YLPM1: variants seen among roughly 807,000 people sequenced by gnomAD.
YLPM1 encodes YLP motif-containing protein 1.
Under a neutral mutation model 230.0 loss-of-function variants are expected in YLPM1, and 99 were observed. The observed-to-expected ratio is 0.43, with a 90% CI of 0.37 to 0.51. The LOEUF (loss-of-function observed/expected upper bound fraction) is 0.51. Among genes scored for constraint, YLPM1 ranks in the 20% least tolerant of loss-of-function variants. YLPM1 has a pLI of 0.00. For synonymous variants in YLPM1, 984 were observed against 942.5 expected (o/e 1.04, Z -0.81); for missense variants, 2,592 against 2,707.7 (o/e 0.96, Z 0.95).
intron 16 of YLPM1, among the ~76,000 whole-genome samples, chr14:74,818,547 A>G (rs1261007413): frequency 6.6e-6 from 1 of 152,132 alleles, no homozygotes; most frequent in Non-Finnish European, 1.5e-5. Context: ...GAACCATTTG[A>G]GAGTTAAGTT....
intron 16 of YLPM1, among the ~76,000 whole-genome samples, chr14:74,820,027 T>C (rs1017661457): frequency 6.6e-6 from 1 of 152,236 alleles, no homozygotes; most frequent in African/African-American, 2.4e-5. Flanking sequence ...ATCTAAATAG[T>C]AGTGTTTCTG....
chr14:74,824,807 A>C (rs1205934376), intron 18 of YLPM1, among the ~76,000 whole-genome samples: 2 of 152,066 alleles, frequency 1.3e-5, no homozygotes, highest in Non-Finnish European at 2.9e-5. Context: ...CTGCTTTATA[A>C]GATTCAGTTT....
chr14:74,789,197 G>T (rs990974847), intron 4 of YLPM1, among the ~76,000 whole-genome samples: 4 of 151,946 alleles, frequency 2.6e-5, no homozygotes, highest in Non-Finnish European at 5.9e-5. Flanking sequence ...CTCCAATTCT[G>T]TGCTTCTAGA....
intron 18 of YLPM1, among the ~76,000 whole-genome samples, chr14:74,825,428 A>C (rs1302754393): frequency 1.3e-5 from 2 of 152,094 alleles, no homozygotes; most frequent in Non-Finnish European, 2.9e-5. Context: ...TGTGAAAATT[A>C]TATGTGGTTT....
chr14:74,782,512 G>A (rs557563662), intron 4 of YLPM1, among the ~76,000 whole-genome samples, 187 bp downstream of exon 4: 1 of 152,196 alleles, frequency 6.6e-6, no homozygotes, highest in East Asian at 1.9e-4. Flanking sequence ...TTTCTTTGAT[G>A]TCTCTGCTTT....
In YLPM1 at chr14:74,824,589, A is replaced by T. The variant is rs541068970; in HGVS notation, c.6163+282A>T. On this transcript the variant is annotated intron_variant, in intron 18 of 20. Transcript: ENST00000325680. ...TGTCACTTATAAAATCTATTCTTTT[A>T]TATTAATCAGAAATGTTGGTGCTGA... 3.9e-5 allele frequency among the ~76,000 whole-genome samples: 6 copies of T among 152,272 alleles called. No homozygotes were observed. In the East Asian group the frequency reaches 1.2e-3, roughly 29 times the overall value.
chr14:74,786,361 C>CAAAA (rs57016882), intron 4 of YLPM1, among the ~76,000 whole-genome samples: 2 of 80,206 alleles, frequency 2.5e-5, no homozygotes, highest in African/African-American at 5.2e-5. Context: ...GACTCCGTCT[C>CAAAA]AAAAAAAAAA....
intron 4 of YLPM1, among the ~76,000 whole-genome samples, chr14:74,787,562 C>T (rs1488464319): frequency 1.3e-5 from 2 of 149,634 alleles, no homozygotes; most frequent in East Asian, 2.0e-4. Flanking sequence ...AGAGCGAGAA[C>T]GAGATTCCGT....
intron 11 of YLPM1, 63 bp from the exon 12 acceptor site, chr14:74,816,140 T>G: frequency 1.4e-6 from 2 of 1,473,726 alleles, no homozygotes; most frequent in Non-Finnish European, 1.9e-6. Flanking sequence ...TGTTAACTGT[T>G]ATCTCATTGC....
rs780590736 is a variant in YLPM1, at chr14:74,811,682, C to T, written c.5291C>T (p.Pro1764Leu). 3.7e-6 allele frequency: 6 copies of T among 1,612,196 alleles called. No individual in the cohort carries two copies. In the Admixed American group the frequency reaches 6.7e-5, roughly 18 times the overall value. ...SSSRRGGFDRPSYDRKSDRPV... is the reference protein window; with the variant it reads ...SSSRRGGFDRLSYDRKSDRPV... ...TCCAGAAGAGGGGGTTTTGATAGGC[C>T]ATCCTATGACCGGAAGTCTGACCGA... Residue 1764 changes from proline (P) to leucine (L), a missense_variant, in exon 10 of 21, where the codon CCA becomes CTA. By Grantham distance (98) the Pro-to-Leu change is moderately conservative (BLOSUM62 -3). Transcript: ENST00000325680.
In YLPM1 at chr14:74,778,515, A is replaced by C; in HGVS notation, c.942A>C (p.Pro314=). 6.2e-7 allele frequency: 1 copy of C among 1,608,422 alleles called. No individual in the cohort carries two copies. ...SLQQRTKVHL[P]GHKKGPVVAK... is the part of the protein sequence containing the mutation. Reference sequence around the variant, plus strand: ...AACAGAGGACAAAAGTTCATTTGCCAGGACACAAAAAGGGTCCTGTGGTAG... The same window carrying C: ...AACAGAGGACAAAAGTTCATTTGCCCGGACACAAAAAGGGTCCTGTGGTAG... The change falls in exon 2 of 21, where the codon CCA becomes CCC. Residue 314 remains proline, a synonymous_variant. Transcript: ENST00000325680.
intron 4 of YLPM1, among the ~76,000 whole-genome samples, chr14:74,784,081 G>A (rs141037081): frequency 2.3e-4 from 35 of 152,250 alleles, no homozygotes; most frequent in African/African-American, 6.3e-4. Flanking sequence ...ATTTGAATTC[G>A]TTCTTAATCT....
chr14:74,818,517 A>G (rs895683937), intron 16 of YLPM1, among the ~76,000 whole-genome samples: 3 of 152,170 alleles, frequency 2.0e-5, no homozygotes, highest in African/African-American at 7.2e-5. Context: ...ATTCTTGTTA[A>G]TGATGTCACT....
chr14:74,824,433 T>A (rs1185086045), intron 18 of YLPM1, 126 bp downstream of exon 18: 1 of 826,388 alleles, frequency 1.2e-6, no homozygotes, highest in Non-Finnish European at 1.9e-6. Flanking sequence ...GCCTACCTTA[T>A]ATCCTCCAAT....
chr14:74,796,638 A>G (rs2091263773), intron 4 of YLPM1, among the ~76,000 whole-genome samples: 1 of 152,184 alleles, frequency 6.6e-6, no homozygotes. Context: ...TGCCTGACAG[A>G]TAAAGGATGT....
chr14:74,823,331 A>G (rs1034955493), intron 17 of YLPM1, among the ~76,000 whole-genome samples: 12 of 152,114 alleles, frequency 7.9e-5, no homozygotes, highest in African/African-American at 2.9e-4. Context: ...ACTAGGTTCC[A>G]ATATTAACAT....
chr14:74,827,047 A>G (rs1380551274), intron 18 of YLPM1, among the ~76,000 whole-genome samples: 2 of 152,222 alleles, frequency 1.3e-5, no homozygotes, highest in Non-Finnish European at 2.9e-5. Context: ...GAGTTGGAAT[A>G]TAATTATTAT....
In YLPM1 at chr14:74,816,918, T is replaced by C; in HGVS notation, c.5686-13T>C. ...GCTTTTGCTAATTCCATATCTCTTT[T>C]GGGGGACCTTAGGTAATGGAATATG... is the stretch of plus-strand genomic sequence containing the variant. On this transcript the variant is annotated splice_polypyrimidine_tract_variant and intron_variant, in intron 13 of 20. Coordinates refer to ENST00000325680, the MANE Select transcript of YLPM1 (RefSeq NM_019589.3). The C allele has an allele frequency of 6.5e-7, 1 of 1,546,412 alleles. No individual in the cohort carries two copies. The highest frequency in any genetic ancestry group is 8.7e-7 in the Non-Finnish European group (1 of 1,152,114).
chr14:74,765,636 CAGTT>C (rs1013274523), intron 1 of YLPM1, among the ~76,000 whole-genome samples: 28 of 152,216 alleles, frequency 1.8e-4, no homozygotes, highest in African/African-American at 6.8e-4. Context: ...CAAACATTCT[CAGTT>C]AGTCTGAGCC....
Sources: allele counts gnomAD v4.1 joint callset (sites outside exome capture counted in the v4.1 genomes callset), GRCh38; gene constraint gnomAD v4.1.1; transcripts MANE v1.5; gene names NCBI Gene and HGNC (gene_info 2026-07-23, HGNC 2026-07-21).